The following TENM1 variants were observed in gnomAD, a reference collection of about 807,000 sequenced individuals.
The protein encoded by TENM1 is teneurin-1.
In TENM1, 35 loss-of-function variants were observed where a neutral mutation model predicts 174.8. The ratio of observed to expected loss-of-function variants is 0.20; its 90% confidence interval spans 0.15 to 0.27. TENM1 has a LOEUF of 0.27. Ranked by LOEUF, TENM1 falls within the 10% of genes least tolerant of loss-of-function variation. The pLI is 1.00. For synonymous variants in TENM1, 781 were observed against 798.7 expected (o/e 0.98, Z 0.37); for missense variants, 1,633 against 2,130.1 (o/e 0.77, Z 4.59).
the TENM1 span, among the ~76,000 whole-genome samples, chrX:125,163,186 T>C: frequency 9.0e-6 from 1 of 111,090 alleles, no homozygotes; most frequent in Non-Finnish European, 1.9e-5. Context: ...AGTAGCAGTG[T>C]GTGTTTGTTG....
At chrX:124,649,429 C>A (rs1294697100) in intron 8 of TENM1, among the ~76,000 whole-genome samples, 1 of 112,409 alleles carries the variant, frequency 8.9e-6, no homozygotes, top group Non-Finnish European at 1.9e-5. Context: ...GTCTGTGAGA[C>A]CTTGCCAAAT....
In TENM1 at chrX:124,878,701, T is replaced by C. The variant is rs111228635; in HGVS notation, c.535+15595A>G. Among the ~76,000 whole-genome samples, 165 of 111,515 alleles carry C rather than the reference T, an allele frequency of 1.5e-3. 1 individual carries two copies. Among genetic ancestry groups the C allele is most frequent in the African/African-American group, 5.2e-3 (160 of 30,698 alleles). ...CCATATGTCAAATAAACCTCTTTTC[T>C]TTGTAAATTACCCAGCCTCAGGTAT... On this transcript the variant is annotated intron_variant, in intron 3 of 31. Transcript: ENST00000422452.
At chrX:124,761,939 T>A (rs1398516073) in intron 3 of TENM1, among the ~76,000 whole-genome samples, 7 of 112,314 alleles carry the variant, frequency 6.2e-5, no homozygotes, top group African/African-American at 1.9e-4. Context: ...TTAAATTTTA[T>A]TTTTTCATTT....
chrX:125,124,864 C>A, the TENM1 span, among the ~76,000 whole-genome samples: 1 of 112,031 alleles, frequency 8.9e-6, no homozygotes, highest in African/African-American at 3.2e-5. Context: ...CCTCTTTTGA[C>A]AGTTGGTGAA....
intron 18 of TENM1, among the ~76,000 whole-genome samples, chrX:124,517,957 A>G (rs1419637458): frequency 1.8e-5 from 2 of 111,479 alleles, no homozygotes; most frequent in Admixed American, 1.9e-4. Flanking sequence ...GGCTTTGAGT[A>G]TGATTCAGTG....
At chrX:125,092,555 A>G in the TENM1 span, among the ~76,000 whole-genome samples, 1 of 112,075 alleles carries the variant, frequency 8.9e-6, no homozygotes, top group East Asian at 2.8e-4. Flanking sequence ...ATGTGATATC[A>G]AAAAATGTAG....
At chrX:124,667,736 T>A (rs192121093) in intron 6 of TENM1, among the ~76,000 whole-genome samples, 61 of 111,504 alleles carry the variant, frequency 5.5e-4, no homozygotes, top group African/African-American at 1.8e-3. Flanking sequence ...GTGACTTATA[T>A]CTGCTTATTG....
the TENM1 span, among the ~76,000 whole-genome samples, chrX:125,039,625 C>T: frequency 9.0e-6 from 1 of 111,325 alleles, no homozygotes; most frequent in Non-Finnish European, 1.9e-5. Flanking sequence ...CTTATTGCAA[C>T]TGAAGATAAC....
the TENM1 span, among the ~76,000 whole-genome samples, chrX:125,152,919 G>C: frequency 8.9e-6 from 1 of 112,056 alleles, no homozygotes; most frequent in African/African-American, 3.2e-5. Flanking sequence ...TATGGGGCTA[G>C]AGTTCCCCAA....
At chrX:124,652,167 T>C (rs749722929) in intron 7 of TENM1, 43 bp from the exon 11 acceptor site, 1 of 1,180,042 alleles carries the variant, frequency 8.5e-7, no homozygotes, top group South Asian at 1.9e-5. Flanking sequence ...TACTTTTTCT[T>C]CTAGACTGAT....
At chrX:124,816,726 T>G (rs761808240) in intron 3 of TENM1, among the ~76,000 whole-genome samples, 1 of 111,436 alleles carries the variant, frequency 9.0e-6, no homozygotes, top group African/African-American at 3.2e-5. Flanking sequence ...TAGATTAGTA[T>G]TTTATCATTG....
chrX:124,603,248 T>C (rs1381430395), intron 11 of TENM1, among the ~76,000 whole-genome samples: 1 of 111,733 alleles, frequency 8.9e-6, no homozygotes, highest in African/African-American at 3.3e-5. Flanking sequence ...ATGATAGCTC[T>C]AGGAAACTGA....
chrX:124,876,523 T>G (rs2057204515), intron 3 of TENM1, among the ~76,000 whole-genome samples: 1 of 111,522 alleles, frequency 9.0e-6, no homozygotes, highest in African/African-American at 3.3e-5. Flanking sequence ...TTTTTTAACT[T>G]TTAGATATCA....
At chrX:124,678,014 AG>A (rs992238728) in intron 5 of TENM1, among the ~76,000 whole-genome samples, 2 of 111,767 alleles carry the variant, frequency 1.8e-5, no homozygotes, top group African/African-American at 3.2e-5. Context: ...AAAAAGAGAG[AG>A]AAAAAGGACT....
intron 4 of TENM1, among the ~76,000 whole-genome samples, chrX:124,728,455 A>G (rs935705039): frequency 8.9e-6 from 1 of 111,881 alleles, no homozygotes; most frequent in African/African-American, 3.2e-5. Flanking sequence ...ATAACTGGTG[A>G]CTATGCACAA....
At chrX:124,977,676 G>C in the TENM1 span, among the ~76,000 whole-genome samples, 1 of 109,819 alleles carries the variant, frequency 9.1e-6, no homozygotes, top group African/African-American at 3.3e-5. Context: ...CTGTCTCTAT[G>C]AATCTGCCTG....
intron 11 of TENM1, among the ~76,000 whole-genome samples, chrX:124,593,941 T>G (rs2049827052): frequency 8.9e-6 from 1 of 112,356 alleles, no homozygotes; most frequent in African/African-American, 3.2e-5. Flanking sequence ...GGCCTGAGGC[T>G]AAAATGCTTG....
intron 4 of TENM1, among the ~76,000 whole-genome samples, chrX:124,732,853 T>A (rs939279599): frequency 3.6e-5 from 4 of 112,156 alleles, no homozygotes; most frequent in African/African-American, 1.3e-4. Flanking sequence ...AGAGAACTGC[T>A]GAGTCTTATT....
At chrX:124,953,101 A>G (rs191523562) in intron 1 of TENM1, among the ~76,000 whole-genome samples, 1 of 112,148 alleles carries the variant, frequency 8.9e-6, no homozygotes, top group East Asian at 2.8e-4. Flanking sequence ...AAAAAAGCAG[A>G]ATAACAGTTT....
Sources: allele counts gnomAD v4.1 joint callset (sites outside exome capture counted in the v4.1 genomes callset), GRCh38; gene constraint gnomAD v4.1.1; transcripts MANE v1.5; gene names NCBI Gene and HGNC (gene_info 2026-07-23, HGNC 2026-07-21).